Variants in CLEC20A observed in about 807,000 individuals in gnomAD.
CLEC20A encodes the protein C-type lectin domain containing 20A.
exon 8 of CLEC20A, chr1:178,479,257 AG>A (rs969682256): frequency 3.0e-5 from 7 of 232,400 alleles, no homozygotes; most frequent in African/African-American, 1.3e-4. Flanking sequence ...TGTTTGGTTC[AG>A]GTTTTTTATT....
chr1:178,490,143 A>T, exon 4 of CLEC20A: 1 of 398,702 alleles, frequency 2.5e-6, no homozygotes, highest in East Asian at 3.6e-5. Context: ...GGTCATATAG[A>T]TGCCAAGAGC....
At chr1:178,488,596 G>C (rs1160612314) in exon 5 of CLEC20A, 2 of 398,786 alleles carry the variant, frequency 5.0e-6, no homozygotes, top group Non-Finnish European at 8.8e-6. Context: ...TCCAGTGGAG[G>C]AGTCTGCAAG....
At chr1:178,488,455 C>T (rs1463882083) in intron 5 of CLEC20A, 46 bp downstream of exon 5, 3 of 398,638 alleles carry the variant, frequency 7.5e-6, no homozygotes, top group African/African-American at 2.1e-5. Context: ...TGCCACTTCC[C>T]CAGACCCTGA....
intron 2 of CLEC20A, 67 bp from the exon 3 acceptor site, chr1:178,492,633 G>A (rs570489306): frequency 1.9e-4 from 77 of 398,512 alleles, no homozygotes; most frequent in East Asian, 1.2e-3. Context: ...GGAGCTGTCC[G>A]GTTATAGCCG....
At chr1:178,486,079 A>T in intron 5 of CLEC20A, among the ~76,000 whole-genome samples, 1 of 152,218 alleles carries the variant, frequency 6.6e-6, no homozygotes, top group East Asian at 1.9e-4. Flanking sequence ...ACTGGAGCCA[A>T]TATTCCAACT....
At chr1:178,494,710 G>A (rs1475136518) in exon 2 of CLEC20A, 2 of 399,218 alleles carry the variant, frequency 5.0e-6, no homozygotes, top group African/African-American at 4.1e-5. Flanking sequence ...GCAGGTCAGC[G>A]AGGTCTGTGT....
intron 3 of CLEC20A, among the ~76,000 whole-genome samples, chr1:178,490,921 C>G (rs191346789): frequency 3.3e-4 from 51 of 152,288 alleles, no homozygotes; most frequent in Non-Finnish European, 5.7e-4. Flanking sequence ...GCGGTGCCTG[C>G]CCCCACTGGC....
chr1:178,486,929 C>A, intron 5 of CLEC20A: 1 of 397,560 alleles, frequency 2.5e-6, no homozygotes, highest in Non-Finnish European at 4.4e-6. Context: ...GCTGGGCCCG[C>A]GGAGGCGGAA....
At chr1:178,487,421 A>G (rs1478461225) in intron 5 of CLEC20A, among the ~76,000 whole-genome samples, 2 of 152,156 alleles carry the variant, frequency 1.3e-5, no homozygotes, top group Non-Finnish European at 2.9e-5. Context: ...CTGGGCTCCC[A>G]CACTCTCCAG....
exon 4 of CLEC20A, chr1:178,490,227 C>T (rs1649238977): frequency 2.5e-6 from 1 of 398,806 alleles, no homozygotes; most frequent in Non-Finnish European, 4.4e-6. Context: ...ACTGGACCAG[C>T]TCAGAGATCC....
At chr1:178,487,516 AATCCTTCTC>A (rs1483687448) in intron 5 of CLEC20A, among the ~76,000 whole-genome samples, 1 of 152,080 alleles carries the variant, frequency 6.6e-6, no homozygotes, top group Non-Finnish European at 1.5e-5. Context: ...TTGCAAGCTA[AATCCTTCTC>A]ATCCTTCCAA....
At chr1:178,492,732 C>T (rs999623658) in intron 2 of CLEC20A, among the ~76,000 whole-genome samples, 166 bp from the exon 3 acceptor site, 7 of 152,130 alleles carry the variant, frequency 4.6e-5, no homozygotes, top group Non-Finnish European at 7.3e-5. Context: ...CCTATTGTGT[C>T]GCAGATGCTA....
chr1:178,481,706 C>T (rs978628198), intron 7 of CLEC20A: 1 of 152,148 alleles, frequency 6.6e-6, no homozygotes, highest in Non-Finnish European at 1.5e-5. Context: ...CTTATAATCC[C>T]AGCCCTTTGG....
intron 1 of CLEC20A, among the ~76,000 whole-genome samples, chr1:178,495,138 A>G (rs560089762): frequency 4.0e-4 from 61 of 152,328 alleles, no homozygotes; most frequent in African/African-American, 1.4e-3. Flanking sequence ...CCTTTCCTAC[A>G]TGCTGCAGTG....
chr1:178,492,534 G>T, exon 3 of CLEC20A: 1 of 398,592 alleles, frequency 2.5e-6, no homozygotes. Flanking sequence ...CTGAGAGAGG[G>T]CTTCGTGGAG....
upstream of CLEC20A, among the ~76,000 whole-genome samples, chr1:178,497,650 A>AT (rs1649432517): frequency 6.6e-6 from 1 of 152,208 alleles, no homozygotes; most frequent in East Asian, 1.9e-4. Flanking sequence ...TCCCTCTATC[A>AT]TTGGGTCTTC....
intron 7 of CLEC20A, chr1:178,481,732 G>A (rs1163462791): frequency 6.6e-6 from 1 of 152,230 alleles, no homozygotes; most frequent in Non-Finnish European, 1.5e-5. Flanking sequence ...TGAGGCAGGA[G>A]TATTGCTTGA....
At chr1:178,490,932 T>C (rs1649253679) in intron 3 of CLEC20A, among the ~76,000 whole-genome samples, 1 of 152,154 alleles carries the variant, frequency 6.6e-6, no homozygotes, top group South Asian at 2.1e-4. Context: ...CCCCACTGGC[T>C]CTCGGGCGAA....
At chr1:178,498,172 G>A (rs1649444056), upstream of CLEC20A, among the ~76,000 whole-genome samples, 2 of 152,056 alleles carry the variant, frequency 1.3e-5, no homozygotes, top group South Asian at 4.1e-4. Flanking sequence ...AGCTTAGGTT[G>A]AATACTAAAA....
Sources: allele counts gnomAD v4.1 joint callset (sites outside exome capture counted in the v4.1 genomes callset), GRCh38; gene constraint gnomAD v4.1.1; transcripts MANE v1.5; gene names NCBI Gene and HGNC (gene_info 2026-07-23, HGNC 2026-07-21).